SNX29: variants seen among roughly 807,000 people sequenced by gnomAD.
SNX29 encodes sorting nexin 29.
In SNX29, 78 loss-of-function variants were observed where a neutral mutation model predicts 102.1. The observed-to-expected ratio is 0.76, with a 90% CI of 0.64 to 0.92. SNX29 has a LOEUF of 0.92. Ranked by LOEUF, SNX29 falls within the 40% of genes least tolerant of loss-of-function variation. The pLI is 0.00. For synonymous variants in SNX29, 580 were observed against 414.5 expected, an observed-to-expected ratio of 1.40 and a Z score of -4.85; for missense variants, 1,280 against 1,061.7, an observed-to-expected ratio of 1.21 and a Z score of -2.86.
intron 19 of SNX29, among the ~76,000 whole-genome samples, chr16:12,490,423 C>A (rs2088488636): frequency 6.6e-6 from 1 of 152,310 alleles, no homozygotes; most frequent in Non-Finnish European, 1.5e-5. Context: ...TGTGTGAATA[C>A]ACCACAGTTT....
chr16:12,516,257 C>T (rs1375751779), intron 19 of SNX29, among the ~76,000 whole-genome samples: 1 of 152,018 alleles, frequency 6.6e-6, no homozygotes, highest in African/African-American at 2.4e-5. Flanking sequence ...AGGAGGGAGG[C>T]TCGCTTAAGC....
At chr16:12,383,685 C>G (rs2083253315) in intron 16 of SNX29, among the ~76,000 whole-genome samples, 1 of 151,726 alleles carries the variant, frequency 6.6e-6, no homozygotes, top group South Asian at 2.1e-4. Flanking sequence ...ATCTCTCCAC[C>G]TCAGCCTCTC....
intron 20 of SNX29, chr16:12,546,599 C>G (rs988367713): frequency 6.6e-6 from 1 of 152,168 alleles, no homozygotes; most frequent in East Asian, 1.9e-4. Flanking sequence ...AAGGATAATA[C>G]AGGTGGAACA....
intron 18 of SNX29, among the ~76,000 whole-genome samples, chr16:12,475,321 C>T (rs1447315085): frequency 1.3e-5 from 2 of 152,210 alleles, no homozygotes; most frequent in African/African-American, 4.8e-5. Context: ...GGACTACCTT[C>T]TCCACACCAG....
chr16:12,527,075 C>T (rs115696945), intron 20 of SNX29: 2 of 437,634 alleles, frequency 4.6e-6, no homozygotes, highest in South Asian at 2.1e-5. Context: ...GTCTAGACCC[C>T]AGTTGAAATT....
At chr16:12,494,662 A>G (rs1298512400) in intron 19 of SNX29, among the ~76,000 whole-genome samples, 1 of 152,050 alleles carries the variant, frequency 6.6e-6, no homozygotes, top group Non-Finnish European at 1.5e-5. Flanking sequence ...CTTTCTCATC[A>G]TTTAATTTTT....
chr16:12,130,474 C>CAAAAAAAA (rs71139578), intron 13 of SNX29, among the ~76,000 whole-genome samples: 2 of 56,136 alleles, frequency 3.6e-5, no homozygotes, highest in African/African-American at 5.9e-5. Context: ...GACTCCGTCT[C>CAAAAAAAA]AAAAAAAAAA....
Position 12,015,455 on chromosome 16 carries a change from G to A in SNX29, c.123-11865G>A, listed in dbSNP as rs145791967. 1.1e-3 allele frequency among the ~76,000 whole-genome samples: 161 copies of A among 151,716 alleles called. 4 individuals carry two copies. In the East Asian group the frequency reaches 0.03, roughly 28 times the overall value. Reference sequence around the variant, plus strand: ...TAGTTTCCCTATGTTGGCCAGGATGGTCTTGATCTCCTGACCTCGTGATCT... The same window carrying A: ...TAGTTTCCCTATGTTGGCCAGGATGATCTTGATCTCCTGACCTCGTGATCT... On this transcript the variant is annotated intron_variant, in intron 3 of 20. Coordinates refer to ENST00000566228, the MANE Select transcript of SNX29 (RefSeq NM_032167.5).
chr16:12,452,204 G>A (rs2086331406), intron 18 of SNX29, among the ~76,000 whole-genome samples: 1 of 152,330 alleles, frequency 6.6e-6, no homozygotes, highest in African/African-American at 2.4e-5. Flanking sequence ...ATGCCCTTCA[G>A]TGATTCTTGG....
chr16:12,563,743 C>T lies in SNX29; in HGVS notation c.2319-4763C>T, dbSNP rs567143211. Among the ~76,000 whole-genome samples, 7 of 152,332 alleles carry T rather than the reference C, an allele frequency of 4.6e-5. No individual in the cohort carries two copies. The South Asian group carries it at 1.4e-3, about 32-fold the overall frequency. On this transcript the variant is annotated intron_variant, in intron 20 of 20. Coordinates refer to ENST00000566228, the MANE Select transcript of SNX29 (RefSeq NM_032167.5). ...CAGAGATGGCACTGTCATTCTTTACCCAACAGCCACAACTTCTCCACCCTT... is the reference window on the plus strand; with the variant it reads ...CAGAGATGGCACTGTCATTCTTTACTCAACAGCCACAACTTCTCCACCCTT...
chr16:12,024,160 C>T (rs2057120301), intron 3 of SNX29, among the ~76,000 whole-genome samples: 1 of 148,338 alleles, frequency 6.7e-6, no homozygotes, highest in South Asian at 2.1e-4. Context: ...TCTTTTGAGA[C>T]TGAGTTTCGC....
chr16:12,222,493 C>A (rs531964004), intron 14 of SNX29, among the ~76,000 whole-genome samples: 1 of 152,336 alleles, frequency 6.6e-6, no homozygotes, highest in South Asian at 2.1e-4. Flanking sequence ...CAGCTTCCCG[C>A]TGGGCTTCTG....
At chr16:12,345,739 G>C (rs1487283568) in intron 15 of SNX29, among the ~76,000 whole-genome samples, 2 of 152,192 alleles carry the variant, frequency 1.3e-5, no homozygotes, top group African/African-American at 4.8e-5. Flanking sequence ...ACAGTGGGAA[G>C]GTGGGGGTGC....
At chr16:12,525,183 T>C in intron 20 of SNX29, among the ~76,000 whole-genome samples, 1 of 152,158 alleles carries the variant, frequency 6.6e-6, no homozygotes. Context: ...AAACAAATTG[T>C]GTCAGTGTTT....
intron 15 of SNX29, among the ~76,000 whole-genome samples, chr16:12,314,482 C>G (rs780215153): frequency 3.9e-5 from 6 of 152,250 alleles, no homozygotes; most frequent in Non-Finnish European, 8.8e-5. Flanking sequence ...GTTCCCTAGC[C>G]TTTCTCTGTC....
At chr16:12,002,871 C>T in intron 2 of SNX29, 120 bp from the exon 3 acceptor site, 1 of 1,069,718 alleles carries the variant, frequency 9.3e-7, no homozygotes, top group Admixed American at 2.1e-5. Flanking sequence ...CCTCACTTGG[C>T]ATGCAGAGCT....
intron 20 of SNX29, among the ~76,000 whole-genome samples, chr16:12,538,839 T>C (rs558173973): frequency 2.1e-3 from 317 of 152,258 alleles, no homozygotes; most frequent in African/African-American, 7.5e-3. Context: ...CAAAGTCACG[T>C]GGCAAAGAGG....
At chr16:12,293,273 C>T (rs1240334077) in intron 15 of SNX29, among the ~76,000 whole-genome samples, 3 of 152,164 alleles carry the variant, frequency 2.0e-5, no homozygotes, top group Non-Finnish European at 4.4e-5. Flanking sequence ...TTAATCTTCA[C>T]GACAACCTTG....
chr16:12,091,747 A>G (rs2052554371), intron 11 of SNX29, among the ~76,000 whole-genome samples: 2 of 125,350 alleles, frequency 1.6e-5, no homozygotes. Flanking sequence ...ACTGCACTCC[A>G]GCCTGGGCAA....
Sources: allele counts gnomAD v4.1 joint callset (sites outside exome capture counted in the v4.1 genomes callset), GRCh38; gene constraint gnomAD v4.1.1; transcripts MANE v1.5; gene names NCBI Gene and HGNC (gene_info 2026-07-23, HGNC 2026-07-21).